Variants in GLMN observed in about 807,000 individuals in gnomAD.
The protein encoded by GLMN is glomulin.
Under a neutral mutation model 87.8 loss-of-function variants are expected in GLMN, and 75 were observed. The observed-to-expected ratio is 0.85, with a 90% CI of 0.71 to 1.04. The LOEUF (loss-of-function observed/expected upper bound fraction) is 1.04. GLMN is among the 50% of genes least tolerant of loss of function. GLMN has a pLI of 0.00. For synonymous variants in GLMN, 206 were observed against 221.6 expected, an observed-to-expected ratio of 0.93 and a Z score of 0.63; for missense variants, 588 against 658.8, an observed-to-expected ratio of 0.89 and a Z score of 1.18.
chr1:92,246,896 A>G (rs902375041), intron 18 of GLMN, among the ~76,000 whole-genome samples, 166 bp downstream of exon 18: 1 of 152,154 alleles, frequency 6.6e-6, no homozygotes, highest in Non-Finnish European at 1.5e-5. Context: ...GGTGGTGTGC[A>G]CCTGCAGTCC....
intron 16 of GLMN, among the ~76,000 whole-genome samples, chr1:92,251,579 T>G (rs570718757): frequency 1.3e-5 from 2 of 152,150 alleles, no homozygotes; most frequent in African/African-American, 2.4e-5. Context: ...AGAATAAAAT[T>G]GATAAGTTGG....
chr1:92,320,156 AACTTTATTGG>A, the GLMN span, among the ~76,000 whole-genome samples: 21 of 152,176 alleles, frequency 1.4e-4, no homozygotes, highest in Non-Finnish European at 2.9e-4. Context: ...AGTCAAGGAA[AACTTTATTGG>A]GCTGGTGGAA....
the GLMN span, among the ~76,000 whole-genome samples, chr1:92,316,775 C>T: frequency 3.9e-5 from 6 of 152,120 alleles, no homozygotes; most frequent in African/African-American, 1.4e-4. Flanking sequence ...TAAGAAAGGA[C>T]AGAAAAGAAA....
Position 92,246,482 on chromosome 1 carries a change from A to G in GLMN, c.*48T>C. The G allele has an allele frequency of 1.2e-6, 1 of 839,346 alleles. No homozygotes were observed. Among genetic ancestry groups the G allele is most frequent in the Admixed American group, 1.9e-5 (1 of 52,358 alleles). The allele number at this position is 839,346 out of a possible 1,614,324, so 52.0% of individuals were successfully genotyped here. A position where few individuals can be genotyped will look rare whatever the true frequency, so the allele number is the denominator to read the frequency against. On this transcript the variant is annotated 3_prime_UTR_variant, in exon 19 of 19. Transcript: ENST00000370360. ...TTTATAAAGGTATTAAATGAATCAT[A>G]ATGGAAAGTACTATATTTTATTAGT... is the stretch of plus-strand genomic sequence containing the variant.
At chr1:92,271,444 A>T in intron 8 of GLMN, 21 bp downstream of exon 8, 2 of 1,584,638 alleles carry the variant, frequency 1.3e-6, no homozygotes, top group Non-Finnish European at 1.7e-6. Context: ...ATACATGAAT[A>T]AACCAAACAC....
In GLMN at chr1:92,260,830, T is replaced by G. The variant is rs181773811; in HGVS notation, c.1473+2033A>C. ...CTGTATCCTTTTCTTCACCATAAAA[T>G]GTACATGACAAACAAAAGTGAGGAA... On this transcript the variant is annotated intron_variant, in intron 16 of 18. Coordinates refer to ENST00000370360, the MANE Select transcript of GLMN (RefSeq NM_053274.3). 3.6e-3 allele frequency among the ~76,000 whole-genome samples: 523 copies of G among 145,164 alleles called. 1 individual carries two copies. The highest frequency in any genetic ancestry group is 6.0e-3 in the Non-Finnish European group (403 of 66,624).
chr1:92,297,558 CA>C (rs1650256774), intron 2 of GLMN, 29 bp from the exon 3 acceptor site: 1 of 1,516,610 alleles, frequency 6.6e-7, no homozygotes, highest in African/African-American at 1.4e-5. Flanking sequence ...ACCCAAAAAA[CA>C]AACAAAAAAA....
chr1:92,260,453 T>TA (rs1030791974), intron 16 of GLMN, among the ~76,000 whole-genome samples: 1 of 151,158 alleles, frequency 6.6e-6, no homozygotes, highest in African/African-American at 2.4e-5. Context: ...CCATCTCTAG[T>TA]AAAAATACAA....
chr1:92,346,184 G>A, the GLMN span, among the ~76,000 whole-genome samples: 1 of 145,038 alleles, frequency 6.9e-6, no homozygotes, highest in Non-Finnish European at 1.5e-5. Flanking sequence ...TTTTTTTTGA[G>A]ACAGGGTCTC....
chr1:92,352,536 T>G, the GLMN span, among the ~76,000 whole-genome samples: 5 of 152,188 alleles, frequency 3.3e-5, no homozygotes, highest in Non-Finnish European at 5.9e-5. Flanking sequence ...CCTTAGAAAT[T>G]TATTGGTTAC....
Position 92,262,851 on chromosome 1 carries a change from T to G in GLMN, c.1473+12A>C, listed in dbSNP as rs373912608. On this transcript the variant is annotated intron_variant, in intron 16 of 18. Transcript: ENST00000370360. ...AATATACTCACAGTTTCTTTTCAAA[T>G]ACTTCACTTACTTGATTGTCATTTT... 3.1e-5 allele frequency: 32 copies of G among 1,034,672 alleles called. No individual in the cohort carries two copies. The African/African-American group carries it at 4.7e-4, about 15-fold the overall frequency. The allele number at this position is 1,034,672 out of a possible 1,614,324, so 64.1% of individuals were successfully genotyped here.
chr1:92,250,608 GTTTA>G (rs949903040), intron 16 of GLMN, among the ~76,000 whole-genome samples: 12 of 152,062 alleles, frequency 7.9e-5, no homozygotes, highest in African/African-American at 2.7e-4. Context: ...CAACTCACAC[GTTTA>G]TTTATATAGT....
chr1:92,317,999 A>G, the GLMN span, among the ~76,000 whole-genome samples: 1 of 152,280 alleles, frequency 6.6e-6, no homozygotes, highest in East Asian at 1.9e-4. Flanking sequence ...CTCAATCTGC[A>G]GCTATCACTC....
chr1:92,330,975 A>G, the GLMN span, among the ~76,000 whole-genome samples: 1 of 152,132 alleles, frequency 6.6e-6, no homozygotes, highest in Admixed American at 6.6e-5. Flanking sequence ...GCACATTAAC[A>G]TTTGAGAAGC....
the GLMN span, among the ~76,000 whole-genome samples, chr1:92,359,748 G>A: frequency 1.4e-4 from 22 of 152,242 alleles, no homozygotes; most frequent in Middle Eastern, 3.2e-3. Flanking sequence ...GAAGAATGGT[G>A]ATGAAAATCA....
At chr1:92,256,026 G>A (rs1654187172) in intron 16 of GLMN, among the ~76,000 whole-genome samples, 1 of 151,552 alleles carries the variant, frequency 6.6e-6, no homozygotes, top group Non-Finnish European at 1.5e-5. Flanking sequence ...CTAATAAAGA[G>A]AGAAGAATCA....
the GLMN span, chr1:92,304,087 A>AT: frequency 5.2e-5 from 81 of 1,553,448 alleles, no homozygotes; most frequent in East Asian, 9.0e-5. Flanking sequence ...TAAGTAACTC[A>AT]TTTTTTTTAA....
intron 16 of GLMN, among the ~76,000 whole-genome samples, chr1:92,257,272 T>A (rs1048967222): frequency 1.3e-5 from 2 of 152,050 alleles, no homozygotes; most frequent in African/African-American, 4.8e-5. Context: ...GGAAAAACAT[T>A]CCATGCTCAT....
chr1:92,322,243 G>T, the GLMN span, among the ~76,000 whole-genome samples: 3,389 of 150,476 alleles, frequency 0.023, 151 homozygotes, highest in African/African-American at 0.077. Context: ...ACCACACTCA[G>T]CCAAAGTTTT....
Sources: gnomAD v4.1 joint callset for allele counts (sites outside exome capture counted in the v4.1 genomes callset) on GRCh38, gnomAD v4.1.1 for gene constraint, MANE v1.5 for transcripts, NCBI Gene and HGNC (gene_info 2026-07-23, HGNC 2026-07-21) for gene names.